The following NCK1 variants were observed in gnomAD, a reference collection of about 807,000 sequenced individuals.
NCK1 encodes the protein NCK adaptor protein 1, also known as SH2/SH3 adapter protein NCK1.
Under a neutral mutation model 36.6 loss-of-function variants are expected in NCK1, and 19 were observed. The observed-to-expected ratio is 0.52, with a 90% CI of 0.36 to 0.76. The LOEUF is 0.76. Among genes scored for constraint, NCK1 ranks in the 30% least tolerant of loss-of-function variants. The probability of loss-of-function intolerance (pLI) is 0.00; values close to 1 mark genes in which losing one functional copy is unlikely to be tolerated. For synonymous variants in NCK1, 165 were observed against 156.0 expected, an observed-to-expected ratio of 1.06 and a Z score of -0.43; for missense variants, 358 against 445.6, an observed-to-expected ratio of 0.80 and a Z score of 1.77.
At chr3:136,868,909 G>A (rs1560029348) in intron 1 of NCK1, among the ~76,000 whole-genome samples, 2 of 152,058 alleles carry the variant, frequency 1.3e-5, no homozygotes, top group Non-Finnish European at 2.9e-5. Flanking sequence ...CATCTGTCAG[G>A]AACCATCACT....
chr3:136,900,322 A>G lies in NCK1; in HGVS notation c.-18-27662A>G, dbSNP rs563437449. On this transcript the variant is annotated intron_variant, in intron 1 of 3. Transcript: ENST00000481752. ...TATGTGTCTGTCTTATACCAGTACC[A>G]TGCTGTTTTGGTTACTGTAACCTTG... 1.3e-4 allele frequency among the ~76,000 whole-genome samples: 20 copies of G among 152,300 alleles called. No homozygotes were observed. The South Asian group carries it at 3.9e-3, about 30-fold the overall frequency.
At chr3:136,886,170 A>G (rs1055111246) in intron 1 of NCK1, among the ~76,000 whole-genome samples, 1 of 152,252 alleles carries the variant, frequency 6.6e-6, no homozygotes, top group Admixed American at 6.5e-5. Context: ...TTGTATTAAC[A>G]CTAATTTCTT....
intron 1 of NCK1, among the ~76,000 whole-genome samples, chr3:136,910,407 T>C (rs1939803566): frequency 6.6e-6 from 1 of 152,198 alleles, no homozygotes; most frequent in African/African-American, 2.4e-5. Context: ...AGTAACAAAC[T>C]AAAGTTACAA....
At position 136,927,358 on chromosome 3, in the gene NCK1, C is replaced by T. The variant is rs541737520; in HGVS notation, c.-18-626C>T. ...GGTTTGTCAAGATCTCCTTGTGGTT[C>T]TGTCAACATATTTTGAAACTATCTT... is the stretch of plus-strand genomic sequence containing the variant. On this transcript the variant is annotated intron_variant, in intron 1 of 3. Transcript: ENST00000481752. Among the ~76,000 whole-genome samples the T allele has an allele frequency of 6.6e-5, 10 of 152,242 alleles. No homozygotes were observed. In the South Asian group the frequency reaches 1.9e-3, roughly 28 times the overall value.
At chr3:136,866,277 G>A (rs1205942591) in intron 1 of NCK1, among the ~76,000 whole-genome samples, 1 of 149,478 alleles carries the variant, frequency 6.7e-6, no homozygotes, top group Non-Finnish European at 1.5e-5. Flanking sequence ...TTGTATTTTT[G>A]TACCTTCGTA....
intron 1 of NCK1, among the ~76,000 whole-genome samples, chr3:136,906,771 G>A (rs190258348): frequency 6.0e-4 from 91 of 152,244 alleles, no homozygotes; most frequent in Non-Finnish European, 1.2e-3. Context: ...GGTGGCACGT[G>A]TGGTTAGTTG....
Position 136,945,618 on chromosome 3 carries a change from G to T in NCK1, c.262G>T (p.Asp88Tyr). The change falls in exon 3 of 4, where the codon GAT becomes TAT. Residue 88 changes from aspartate (D) to tyrosine (Y), a missense_variant. Around this residue, in one of 3 missense-constraint regions of NCK1, gnomAD observed 143 missense variants for 162.4 expected, o/e 0.88. Transcript: ENST00000481752. ...GKVKRKPSVP[D>Y]SASPADDSFV... is the part of the protein sequence containing the mutation. ...AGTGAAAAGAAAACCTAGTGTGCCA[G>T]ATTCTGCATCTCCTGCTGATGATAG... is the stretch of plus-strand genomic sequence containing the variant. The T allele has an allele frequency of 1.2e-6, 2 of 1,613,088 alleles. No homozygotes were observed. Among genetic ancestry groups the T allele is most frequent in the South Asian group, 2.2e-5 (2 of 90,932 alleles).
chr3:136,876,196 A>G (rs1235184420), intron 1 of NCK1, among the ~76,000 whole-genome samples: 1 of 152,186 alleles, frequency 6.6e-6, no homozygotes, highest in Non-Finnish European at 1.5e-5. Context: ...CCAAAAGAGA[A>G]AGCAGGAAAG....
intron 1 of NCK1, among the ~76,000 whole-genome samples, chr3:136,897,799 G>A (rs188627182): frequency 1.1e-4 from 17 of 152,134 alleles, no homozygotes; most frequent in Admixed American, 8.5e-4. Context: ...CATTTTTAAT[G>A]GTTAATATGA....
chr3:136,891,533 C>T (rs1023557577), intron 1 of NCK1, among the ~76,000 whole-genome samples: 1 of 152,184 alleles, frequency 6.6e-6, no homozygotes, highest in Non-Finnish European at 1.5e-5. Flanking sequence ...CTCACTTTTA[C>T]TTCTTTTGGG....
intron 1 of NCK1, among the ~76,000 whole-genome samples, chr3:136,875,675 G>T (rs1938746559): frequency 6.7e-6 from 1 of 150,374 alleles, no homozygotes; most frequent in South Asian, 2.1e-4. Context: ...GACCTACAAA[G>T]AGACTTAGAC....
intron 2 of NCK1, among the ~76,000 whole-genome samples, chr3:136,943,766 C>T (rs1011563328): frequency 9.9e-5 from 15 of 152,064 alleles, no homozygotes; most frequent in African/African-American, 3.6e-4. Context: ...GACAAGTAAA[C>T]AAGTACAATG....
intron 1 of NCK1, among the ~76,000 whole-genome samples, chr3:136,883,344 T>A (rs1387417072): frequency 2.0e-5 from 3 of 152,160 alleles, no homozygotes; most frequent in African/African-American, 7.2e-5. Flanking sequence ...ACGTGAGACT[T>A]TTTTTTCCCC....
chr3:136,902,820 C>G (rs1418906725), intron 1 of NCK1, among the ~76,000 whole-genome samples: 1 of 152,178 alleles, frequency 6.6e-6, no homozygotes, highest in African/African-American at 2.4e-5. Context: ...AACCTAGACT[C>G]CACCAAAAAA....
At chr3:136,930,653 G>C (rs1940367328) in intron 2 of NCK1, 1 of 1,324,940 alleles carries the variant, frequency 7.5e-7, no homozygotes, top group Non-Finnish European at 9.8e-7. Flanking sequence ...TAGATTTTCT[G>C]CTTTTGTAAA....
At position 136,869,501 on chromosome 3, in the gene NCK1, C is replaced by T. The variant is rs571556766; in HGVS notation, c.-19+7148C>T. Among the ~76,000 whole-genome samples, 106 of 152,086 alleles carry T rather than the reference C, an allele frequency of 7.0e-4. No individual in the cohort carries two copies. In the South Asian group the frequency reaches 8.5e-3, roughly 12 times the overall value. ...CAGGGGTTGCGGGGTTGTGAGATCC[C>T]GCCACTGCACTTTAGCCTGGGTGAC... On this transcript the variant is annotated intron_variant, in intron 1 of 3. Transcript: ENST00000481752.
At chr3:136,910,404 A>C (rs1213151634) in intron 1 of NCK1, among the ~76,000 whole-genome samples, 2 of 152,222 alleles carry the variant, frequency 1.3e-5, no homozygotes, top group Non-Finnish European at 2.9e-5. Context: ...TGTAGTAACA[A>C]ACTAAAGTTA....
intron 1 of NCK1, among the ~76,000 whole-genome samples, chr3:136,867,121 TTTC>T (rs1422466848): frequency 1.4e-4 from 2 of 14,032 alleles, no homozygotes; most frequent in African/African-American, 5.1e-4. Flanking sequence ...TCTTTCTTTG[TTTC>T]TTTCTTTCCT....
chr3:136,869,029 G>A (rs532121997), intron 1 of NCK1, among the ~76,000 whole-genome samples: 13 of 152,098 alleles, frequency 8.5e-5, no homozygotes, highest in Admixed American at 3.9e-4. Flanking sequence ...CCTGAGTCCA[G>A]GAGTTTGAGA....
Sources: allele counts gnomAD v4.1 joint callset (sites outside exome capture counted in the v4.1 genomes callset), GRCh38; gene constraint gnomAD v4.1.1; regional missense constraint gnomAD v4.1.1; transcripts MANE v1.5; gene names NCBI Gene and HGNC (gene_info 2026-07-23, HGNC 2026-07-21).